Variants in PXYLP1 observed in about 807,000 individuals in gnomAD.
PXYLP1 encodes the protein 2-phosphoxylose phosphatase 1.
In PXYLP1, 17 loss-of-function variants were observed where a neutral mutation model predicts 37.9. The observed-to-expected ratio is 0.45, with a 90% CI of 0.31 to 0.67. The LOEUF is 0.67. Among genes scored for constraint, PXYLP1 ranks in the 30% least tolerant of loss-of-function variants. The pLI is 0.07. For synonymous variants in PXYLP1, 221 were observed against 232.2 expected (o/e 0.95, Z 0.44); for missense variants, 511 against 612.0 (o/e 0.84, Z 1.74).
chr3:141,292,160 C>T lies in PXYLP1; in HGVS notation c.506-108C>T. On this transcript the variant is annotated intron_variant, in intron 5 of 5. Transcript: ENST00000286353. The surrounding 1 kb of genome is among the most constrained non-coding windows in gnomAD (Gnocchi z 4.3). The stretch of plus-strand genomic sequence containing the variant: ...CACCATGGGGAAACAGGCTGGATGC[C>T]ATTCTCTTGCCCTAAAACACTCCAG... The T allele has an allele frequency of 9.5e-7, 1 of 1,055,416 alleles. No homozygotes were observed. Among genetic ancestry groups the T allele is most frequent in the Non-Finnish European group, 1.4e-6 (1 of 723,608 alleles). 65.4% of individuals were successfully genotyped at this position (1,055,416 alleles called of 1,614,324 possible). A position where few individuals can be genotyped will look rare whatever the true frequency, so the allele number is the denominator to read the frequency against.
At chr3:141,289,244 T>C (rs1942144934) in intron 5 of PXYLP1, among the ~76,000 whole-genome samples, 2 of 150,420 alleles carry the variant, frequency 1.3e-5, no homozygotes, top group Non-Finnish European at 2.9e-5. Flanking sequence ...TGAACATTAA[T>C]ATTATACAAA....
chr3:141,240,848 C>G (rs1401137507), intron 1 of PXYLP1, among the ~76,000 whole-genome samples: 1 of 152,170 alleles, frequency 6.6e-6, no homozygotes, highest in Non-Finnish European at 1.5e-5. Flanking sequence ...GGCCAGATGA[C>G]TCAGTAGGAC....
chr3:141,250,602 T>C (rs1292754033), intron 1 of PXYLP1, among the ~76,000 whole-genome samples: 1 of 152,194 alleles, frequency 6.6e-6, no homozygotes, highest in Admixed American at 6.5e-5. Context: ...GGGGAGGGAT[T>C]TCTGGAGAAG....
chr3:141,242,906 C>T (rs768388328), intron 1 of PXYLP1, among the ~76,000 whole-genome samples: 4 of 152,214 alleles, frequency 2.6e-5, no homozygotes, highest in Non-Finnish European at 5.9e-5. Context: ...TTCGAATCCC[C>T]AGCTTCTATA....
rs573740092 is a variant in PXYLP1 at position 141,278,393 on chromosome 3, G to T, written c.131G>T (p.Arg44Leu). The change falls in exon 3 of 6, where the codon CGA (arginine) becomes CTA (leucine). Residue 44 changes from arginine to leucine, a missense_variant. Coordinates refer to ENST00000286353, the MANE Select transcript of PXYLP1 (RefSeq NM_001037172.3). ...TPKNGMSSKS[R>L]KRIMPDPVTE... ...AAGAATGGAATGAGTAGCAAGAGTC[G>T]AAAGAGAATCATGCCCGACCCTGTG... The T allele has an allele frequency of 6.2e-7, 1 of 1,614,066 alleles. No individual in the cohort carries two copies. The highest frequency in any genetic ancestry group is 8.5e-7 in the Non-Finnish European group (1 of 1,180,036).
At chr3:141,259,362 T>A (rs1464253298) in intron 1 of PXYLP1, among the ~76,000 whole-genome samples, 1 of 151,646 alleles carries the variant, frequency 6.6e-6, no homozygotes, top group East Asian at 1.9e-4. Flanking sequence ...CTTCTAAAAC[T>A]GATAGGGTAG....
In PXYLP1 at chr3:141,278,299, G is replaced by A. The variant is rs138665115; in HGVS notation, c.80-43G>A. On this transcript the variant is annotated intron_variant, in intron 2 of 5. Coordinates refer to ENST00000286353, the MANE Select transcript of PXYLP1 (RefSeq NM_001037172.3). ...CGCTGGGCCTTGCAGCTGGCCTGGC[G>A]CCCCAGGAACTGTGCGTCACAACCT... is the stretch of plus-strand genomic sequence containing the variant. 3.0e-4 allele frequency: 482 copies of A among 1,609,712 alleles called. 3 individuals carry two copies. In the African/African-American group the frequency reaches 3.6e-3, roughly 12 times the overall value.
chr3:141,280,312 T>TACAG (rs1285157869), intron 4 of PXYLP1, among the ~76,000 whole-genome samples: 1 of 152,226 alleles, frequency 6.6e-6, no homozygotes, highest in African/African-American at 2.4e-5. Context: ...ATTACCTCAC[T>TACAG]ACAGCCAGGG....
intron 1 of PXYLP1, among the ~76,000 whole-genome samples, chr3:141,232,791 C>T (rs1237015282): frequency 6.6e-6 from 1 of 152,200 alleles, no homozygotes; most frequent in Non-Finnish European, 1.5e-5. Context: ...GGACGTGGAG[C>T]CATATTTTCC....
At chr3:141,258,669 G>A in intron 1 of PXYLP1, 1 of 165,852 alleles carries the variant, frequency 6.0e-6, no homozygotes. Flanking sequence ...GTCATGCGCG[G>A]CTATCCAGGA....
intron 2 of PXYLP1, among the ~76,000 whole-genome samples, chr3:141,263,572 T>C (rs944895642): frequency 3.9e-5 from 6 of 152,224 alleles, no homozygotes; most frequent in African/African-American, 1.4e-4. Context: ...TTAGGAATCA[T>C]GAGTTATGTT....
In PXYLP1 at chr3:141,231,850, G is replaced by A. The variant is rs1192514795; in HGVS notation, c.-115G>A. 6.6e-6 allele frequency: 1 copy of A among 150,808 alleles called. No individual in the cohort carries two copies. Among genetic ancestry groups the A allele is most frequent in the Non-Finnish European group, 1.5e-5 (1 of 67,566 alleles). The allele number at this position is 150,808 out of a possible 1,614,324, so 9.3% of individuals were successfully genotyped here. A position where few individuals can be genotyped will look rare whatever the true frequency, so the allele number is the denominator to read the frequency against. ...GCCTCCCCTCGCGCCGGGAGGAGCT[G>A]GCGGCGAGCGCCGAGCCGGGCGCGC... On this transcript the variant is annotated 5_prime_UTR_variant, in exon 1 of 6. Transcript: ENST00000286353. The surrounding 1 kb of genome is among the most constrained non-coding windows in gnomAD (Gnocchi z 4.4).
chr3:141,234,972 G>T (rs1292564221), intron 1 of PXYLP1: 9 of 152,262 alleles, frequency 5.9e-5, no homozygotes, highest in African/African-American at 2.2e-4. Flanking sequence ...TAAGAGAAAG[G>T]GAGGAGAGGG....
intron 2 of PXYLP1, among the ~76,000 whole-genome samples, chr3:141,264,961 GA>G (rs1941470917): frequency 6.6e-6 from 1 of 152,240 alleles, no homozygotes; most frequent in African/African-American, 2.4e-5. Flanking sequence ...AGTAGTATGA[GA>G]GACTAGAGTA....
chr3:141,266,462 A>G (rs1390920236), intron 2 of PXYLP1, among the ~76,000 whole-genome samples: 2 of 152,046 alleles, frequency 1.3e-5, no homozygotes, highest in African/African-American at 4.8e-5. Flanking sequence ...AGAGAGCCAA[A>G]AGAAAATCTG....
chr3:141,270,775 G>T (rs929107364), intron 2 of PXYLP1, among the ~76,000 whole-genome samples: 3 of 152,198 alleles, frequency 2.0e-5, no homozygotes, highest in Admixed American at 1.3e-4. Flanking sequence ...TTGTGAAGGG[G>T]TGGACGCAGG....
chr3:141,268,596 G>A (rs1373676559), intron 2 of PXYLP1, among the ~76,000 whole-genome samples: 1 of 152,232 alleles, frequency 6.6e-6, no homozygotes, highest in African/African-American at 2.4e-5. Context: ...GCCCTGTTAT[G>A]TACCAGCAGC....
chr3:141,293,305 T>C lies in PXYLP1; in HGVS notation c.*100T>C. 1 of 1,209,520 alleles carries C rather than the reference T, an allele frequency of 8.3e-7. No homozygotes were observed. Among genetic ancestry groups the C allele is most frequent in the Non-Finnish European group, 1.1e-6 (1 of 883,046 alleles). 74.9% of individuals were successfully genotyped at this position (1,209,520 alleles called of 1,614,324 possible). A position where few individuals can be genotyped will look rare whatever the true frequency, so the allele number is the denominator to read the frequency against. Reference sequence around the variant, plus strand: ...GTTACTAAGGGTAGAAGATTATTGCTTTTTAAAGGCTAAATATTGTTTGTG... The same window carrying C: ...GTTACTAAGGGTAGAAGATTATTGCCTTTTAAAGGCTAAATATTGTTTGTG... On this transcript the variant is annotated 3_prime_UTR_variant, in exon 6 of 6. Coordinates refer to ENST00000286353, the MANE Select transcript of PXYLP1 (RefSeq NM_001037172.3).
Position 141,253,579 on chromosome 3 carries a change from T to C in PXYLP1, c.-53-6544T>C, listed in dbSNP as rs115105879. On this transcript the variant is annotated intron_variant, in intron 1 of 5. Coordinates refer to ENST00000286353, the MANE Select transcript of PXYLP1 (RefSeq NM_001037172.3). Reference sequence around the variant, plus strand: ...CTGCCGTATCCTAGCCTGGATGCAGTCTTCTTTCCTCCTGACAGCACTGGT... The same window carrying C: ...CTGCCGTATCCTAGCCTGGATGCAGCCTTCTTTCCTCCTGACAGCACTGGT... Among the ~76,000 whole-genome samples the C allele has an allele frequency of 3.3e-3, 497 of 152,176 alleles. 3 individuals carry two copies. Among genetic ancestry groups the C allele is most frequent in the African/African-American group, 0.011 (477 of 41,502 alleles).
Sources: gnomAD v4.1 joint callset for allele counts (sites outside exome capture counted in the v4.1 genomes callset) on GRCh38, gnomAD v4.1.1 for gene constraint, Gnocchi (gnomAD v3.1) non-coding constraint, MANE v1.5 for transcripts, NCBI Gene and HGNC (gene_info 2026-07-23, HGNC 2026-07-21) for gene names.